Variants in PIP4K2A observed in about 807,000 individuals in gnomAD.
PIP4K2A encodes the protein phosphatidylinositol 5-phosphate 4-kinase type-2 alpha.
PIP4K2A carries 14 observed loss-of-function variants against 42.9 expected under a neutral mutation model. The ratio of observed to expected loss-of-function variants is 0.33; its 90% confidence interval spans 0.22 to 0.51. The LOEUF is 0.51. Among genes scored for constraint, PIP4K2A ranks in the 20% least tolerant of loss-of-function variants. The pLI, the probability that PIP4K2A is intolerant of heterozygous loss-of-function variation, is 0.97. For synonymous variants in PIP4K2A, 192 were observed against 192.2 expected, an observed-to-expected ratio of 1.00 and a Z score of 0.01; for missense variants, 434 against 519.8, an observed-to-expected ratio of 0.83 and a Z score of 1.61.
At chr10:22,641,264 C>T (rs1161117779) in intron 1 of PIP4K2A, among the ~76,000 whole-genome samples, 1 of 152,110 alleles carries the variant, frequency 6.6e-6, no homozygotes, top group Non-Finnish European at 1.5e-5. Flanking sequence ...CAGGGACTTC[C>T]TAGCTTCTAC....
At chr10:22,672,298 G>A (rs1472513047) in intron 1 of PIP4K2A, among the ~76,000 whole-genome samples, 2 of 152,038 alleles carry the variant, frequency 1.3e-5, no homozygotes, top group Non-Finnish European at 2.9e-5. Context: ...GGGGGGGATT[G>A]TTGGAGGCGG....
chr10:22,573,515 G>A (rs375709819), intron 4 of PIP4K2A, 58 bp from the exon 5 acceptor site: 35 of 1,463,120 alleles, frequency 2.4e-5, no homozygotes, highest in East Asian at 2.1e-4. Flanking sequence ...TGCTTCCTTA[G>A]ATGTAAAATA....
chr10:22,554,582 C>T (rs2130766949), intron 6 of PIP4K2A, among the ~76,000 whole-genome samples: 1 of 152,348 alleles, frequency 6.6e-6, no homozygotes, highest in Admixed American at 6.5e-5. Flanking sequence ...CTAAAGACAG[C>T]TCAGAAATGC....
At chr10:22,597,844 A>AG (rs1837667221) in intron 3 of PIP4K2A, among the ~76,000 whole-genome samples, 1 of 152,172 alleles carries the variant, frequency 6.6e-6, no homozygotes, top group South Asian at 2.1e-4. Context: ...CACCCTTTAG[A>AG]GGGCTGGTTT....
chr10:22,593,862 G>A (rs1588649965), intron 3 of PIP4K2A, among the ~76,000 whole-genome samples: 1 of 152,204 alleles, frequency 6.6e-6, no homozygotes, highest in East Asian at 1.9e-4. Flanking sequence ...ACTTTTGGGG[G>A]ATGGGGAATA....
chr10:22,541,786 C>A lies in PIP4K2A; in HGVS notation c.1036+18G>T, dbSNP rs1440813360. On this transcript the variant is annotated intron_variant, in intron 8 of 9. Transcript: ENST00000376573. ...AACCACTTCACATGCAAAAAGGGTC[C>A]ACAGTAATCAAACTTACTTTCATGG... is the stretch of plus-strand genomic sequence containing the variant. 1 of 1,532,132 alleles carries A rather than the reference C, an allele frequency of 6.5e-7. No individual in the cohort carries two copies. The highest frequency in any genetic ancestry group is 8.8e-7 in the Non-Finnish European group (1 of 1,140,806). 94.9% of individuals were successfully genotyped at this position (1,532,132 alleles called of 1,614,324 possible).
intron 1 of PIP4K2A, among the ~76,000 whole-genome samples, chr10:22,663,232 T>C (rs1038691896): frequency 6.6e-6 from 1 of 152,194 alleles, no homozygotes; most frequent in Non-Finnish European, 1.5e-5. Flanking sequence ...CTCTTTGTTG[T>C]GACTGTAACA....
intron 2 of PIP4K2A, among the ~76,000 whole-genome samples, chr10:22,608,316 G>A (rs1005528942): frequency 5.3e-5 from 8 of 152,270 alleles, no homozygotes; most frequent in East Asian, 1.9e-4. Flanking sequence ...GGGAAGGAAC[G>A]GGCCAGGCAG....
In PIP4K2A at chr10:22,586,273, G is replaced by A. The variant is rs184404174; in HGVS notation, c.492+5356C>T. ...ATGCTCTTCTTTCTTTGCACAGAGT[G>A]AAAGCTAGGGTAGAATTTGGGCAGG... On this transcript the variant is annotated intron_variant, in intron 4 of 9. Transcript: ENST00000376573. Among the ~76,000 whole-genome samples, 20 of 152,278 alleles carry A rather than the reference G, an allele frequency of 1.3e-4. No individual in the cohort carries two copies. In the East Asian group the frequency reaches 3.9e-3, roughly 29 times the overall value.
Position 22,537,047 on chromosome 10 carries a change from A to G in PIP4K2A, c.*154T>C. Reference sequence around the variant, plus strand: ...AAAATCAGGTAGCTGTAAAGCGAGTAGCCCCCAAATCAGTCATCTTGGCCT... The same window carrying G: ...AAAATCAGGTAGCTGTAAAGCGAGTGGCCCCCAAATCAGTCATCTTGGCCT... On this transcript the variant is annotated 3_prime_UTR_variant, in exon 10 of 10. Transcript: ENST00000376573. The G allele has an allele frequency of 3.5e-6, 2 of 579,478 alleles. No individual in the cohort carries two copies. Among genetic ancestry groups the G allele is most frequent in the South Asian group, 4.1e-5 (2 of 49,154 alleles). 35.9% of individuals were successfully genotyped at this position (579,478 alleles called of 1,614,324 possible). A position where few individuals can be genotyped will look rare whatever the true frequency, so the allele number is the denominator to read the frequency against.
intron 6 of PIP4K2A, among the ~76,000 whole-genome samples, chr10:22,560,452 G>C (rs73598565): frequency 6.6e-6 from 1 of 152,134 alleles, no homozygotes; most frequent in Admixed American, 6.5e-5. Context: ...AACTGGTTTC[G>C]AAAAGCATTT....
At chr10:22,651,820 T>C (rs1839002451) in intron 1 of PIP4K2A, among the ~76,000 whole-genome samples, 1 of 152,172 alleles carries the variant, frequency 6.6e-6, no homozygotes, top group Non-Finnish European at 1.5e-5. Context: ...CCTCACTGCT[T>C]GTGTGACTTC....
chr10:22,634,183 T>C (rs1838613257), intron 1 of PIP4K2A, among the ~76,000 whole-genome samples: 1 of 152,108 alleles, frequency 6.6e-6, no homozygotes. Context: ...TGTCCACAAA[T>C]CACAGAAGAG....
intron 1 of PIP4K2A, among the ~76,000 whole-genome samples, chr10:22,674,130 T>C (rs1318760192): frequency 6.6e-6 from 1 of 152,238 alleles, no homozygotes; most frequent in Non-Finnish European, 1.5e-5. Flanking sequence ...ATCTATTTCA[T>C]GCAGACTAAC....
chr10:22,678,410 C>G (rs1839600756), intron 1 of PIP4K2A, among the ~76,000 whole-genome samples: 1 of 151,970 alleles, frequency 6.6e-6, no homozygotes, highest in Admixed American at 6.6e-5. Flanking sequence ...AGAATGAACA[C>G]CGGCATACTT....
At chr10:22,633,131 G>A (rs972907121) in intron 1 of PIP4K2A, among the ~76,000 whole-genome samples, 1 of 152,206 alleles carries the variant, frequency 6.6e-6, no homozygotes, top group Non-Finnish European at 1.5e-5. Flanking sequence ...TGAGTTAAGT[G>A]ATGGCTCAAG....
At chr10:22,631,607 A>G (rs1838551233) in intron 1 of PIP4K2A, among the ~76,000 whole-genome samples, 1 of 152,222 alleles carries the variant, frequency 6.6e-6, no homozygotes, top group Non-Finnish European at 1.5e-5. Flanking sequence ...CTAATACAGT[A>G]GCCATAGAAT....
intron 3 of PIP4K2A, among the ~76,000 whole-genome samples, chr10:22,592,575 G>C (rs779592099): frequency 3.5e-4 from 53 of 152,188 alleles, no homozygotes; most frequent in Non-Finnish European, 4.7e-4. Flanking sequence ...CGGGCTCTGA[G>C]TAGGGGCTCT....
chr10:22,615,571 T>C (rs1297127380), intron 1 of PIP4K2A, among the ~76,000 whole-genome samples: 4 of 152,234 alleles, frequency 2.6e-5, no homozygotes, highest in South Asian at 2.1e-4. Context: ...TAAGCATATA[T>C]TGTGAAATCC....
Sources: gnomAD v4.1 joint callset for allele counts (sites outside exome capture counted in the v4.1 genomes callset) on GRCh38, gnomAD v4.1.1 for gene constraint, MANE v1.5 for transcripts, NCBI Gene and HGNC (gene_info 2026-07-23, HGNC 2026-07-21) for gene names.